GABRB1: variants seen among roughly 807,000 people sequenced by gnomAD.
The protein encoded by GABRB1 is gamma-aminobutyric acid receptor subunit beta-1.
Under a neutral mutation model 51.6 loss-of-function variants are expected in GABRB1, and 17 were observed. That is an observed-to-expected ratio of 0.33 (90% CI 0.23 to 0.49). The LOEUF (loss-of-function observed/expected upper bound fraction) is 0.49. Among genes scored for constraint, GABRB1 ranks in the 20% least tolerant of loss-of-function variants. The pLI is 0.99. For missense variants in GABRB1, 410 were observed against 600.6 expected (o/e 0.68, Z 3.32); for synonymous variants, 247 against 218.9 (o/e 1.13, Z -1.14).
intron 3 of GABRB1, among the ~76,000 whole-genome samples, chr4:47,125,652 T>C (rs1716097422): frequency 7.4e-6 from 1 of 135,030 alleles, no homozygotes; most frequent in Non-Finnish European, 1.6e-5. Context: ...GCCTCCTGGG[T>C]TCACGCCATT....
At chr4:47,328,699 T>C (rs2109972174) in intron 5 of GABRB1, among the ~76,000 whole-genome samples, 1 of 151,498 alleles carries the variant, frequency 6.6e-6, no homozygotes, top group South Asian at 2.1e-4. Flanking sequence ...TTCTCACTCA[T>C]AGGTGGGAAT....
At chr4:47,381,059 G>C (rs1365058217) in intron 5 of GABRB1, among the ~76,000 whole-genome samples, 2 of 152,060 alleles carry the variant, frequency 1.3e-5, no homozygotes, top group Admixed American at 6.5e-5. Flanking sequence ...AGGGGTAATT[G>C]CCACCAGGAG....
At chr4:47,030,467 C>A (rs1464948981), upstream of GABRB1, among the ~76,000 whole-genome samples, 3 of 152,148 alleles carry the variant, frequency 2.0e-5, no homozygotes, top group Non-Finnish European at 4.4e-5. Flanking sequence ...GTAGGGATTA[C>A]AATTCGCTTT....
At chr4:47,272,823 T>C (rs1397873924) in intron 4 of GABRB1, among the ~76,000 whole-genome samples, 1 of 152,190 alleles carries the variant, frequency 6.6e-6, no homozygotes, top group Non-Finnish European at 1.5e-5. Flanking sequence ...AATAGTGCTA[T>C]AATGAATATC....
chr4:47,161,741 T>A (rs748219273), intron 4 of GABRB1, among the ~76,000 whole-genome samples: 3 of 152,062 alleles, frequency 2.0e-5, no homozygotes, highest in Non-Finnish European at 4.4e-5. Context: ...TGGCTCTTTA[T>A]TCTTTGGTGT....
At chr4:47,012,554 A>C (rs1396190920) in intron 1 of GABRB1, among the ~76,000 whole-genome samples, 1 of 152,236 alleles carries the variant, frequency 6.6e-6, no homozygotes, top group Non-Finnish European at 1.5e-5. Flanking sequence ...GAGATTACCT[A>C]TGTTTAAACA....
chr4:46,996,387 TTACTTTGGATATAATAAGATGCAAATAA>T (rs984985605), intron 1 of GABRB1, among the ~76,000 whole-genome samples: 1 of 152,166 alleles, frequency 6.6e-6, no homozygotes, highest in African/African-American at 2.4e-5. Flanking sequence ...ACAAATGAGT[TTACTTTGGATATAATAAGATGCAAATAA>T]TACAGATAAC....
At chr4:47,150,182 AACACACACACACAC>A (rs36209473) in intron 3 of GABRB1, among the ~76,000 whole-genome samples, 34 of 141,588 alleles carry the variant, frequency 2.4e-4, no homozygotes, top group Admixed American at 6.3e-4. Context: ...ACACACACAC[AACACACACACACAC>A]ACACACACAC....
chr4:47,004,689 A>C (rs1434283332), intron 1 of GABRB1, among the ~76,000 whole-genome samples: 1 of 152,114 alleles, frequency 6.6e-6, no homozygotes, highest in African/African-American at 2.4e-5. Flanking sequence ...GATTTAAAAA[A>C]CAAACAGACA....
chr4:47,056,038 A>AT (rs917172151), intron 3 of GABRB1, among the ~76,000 whole-genome samples: 3 of 152,206 alleles, frequency 2.0e-5, no homozygotes, highest in Non-Finnish European at 4.4e-5. Context: ...AGTATCTTCT[A>AT]TGGAAATGGT....
chr4:47,365,551 C>T (rs1006547887), intron 5 of GABRB1, among the ~76,000 whole-genome samples: 1 of 152,130 alleles, frequency 6.6e-6, no homozygotes, highest in Non-Finnish European at 1.5e-5. Context: ...CCGCTATACC[C>T]CTTCTCTTGC....
intron 5 of GABRB1, among the ~76,000 whole-genome samples, chr4:47,375,163 A>T (rs1015886316): frequency 5.9e-5 from 9 of 152,224 alleles, no homozygotes; most frequent in African/African-American, 2.2e-4. Context: ...CAGAGAACAA[A>T]GTTTAAAAAT....
intron 7 of GABRB1, among the ~76,000 whole-genome samples, chr4:47,405,886 T>C (rs1220994986): frequency 6.6e-6 from 1 of 152,194 alleles, no homozygotes; most frequent in Non-Finnish European, 1.5e-5. Context: ...TTAAGAATGC[T>C]ATATATAACA....
intron 4 of GABRB1, among the ~76,000 whole-genome samples, chr4:47,249,469 A>G (rs1326168035): frequency 6.6e-6 from 1 of 152,150 alleles, no homozygotes; most frequent in Non-Finnish European, 1.5e-5. Context: ...ACTGTTGAAC[A>G]GAATGTGTAT....
intron 4 of GABRB1, among the ~76,000 whole-genome samples, chr4:47,199,880 T>C (rs1356154480): frequency 6.6e-6 from 1 of 152,124 alleles, no homozygotes; most frequent in Non-Finnish European, 1.5e-5. Context: ...TCAGTCAATA[T>C]AATCAAGCCC....
At chr4:47,231,358 C>T (rs775244422) in intron 4 of GABRB1, among the ~76,000 whole-genome samples, 14 of 152,108 alleles carry the variant, frequency 9.2e-5, no homozygotes, top group African/African-American at 3.1e-4. Context: ...TTCTTTGAGC[C>T]TTTATTCTTT....
intron 7 of GABRB1, among the ~76,000 whole-genome samples, chr4:47,405,309 G>T (rs984787483): frequency 1.3e-5 from 2 of 152,052 alleles, no homozygotes; most frequent in South Asian, 2.1e-4. Context: ...AGTCAAATCC[G>T]GGAATATACA....
At chr4:47,219,834 A>T (rs914272604) in intron 4 of GABRB1, among the ~76,000 whole-genome samples, 1 of 151,832 alleles carries the variant, frequency 6.6e-6, no homozygotes, top group Non-Finnish European at 1.5e-5. Flanking sequence ...ATCCTACTGA[A>T]TCTACTTCTC....
intron 1 of GABRB1, among the ~76,000 whole-genome samples, chr4:47,025,331 A>G (rs936667242): frequency 2.6e-5 from 4 of 151,886 alleles, no homozygotes; most frequent in Admixed American, 2.0e-4. Flanking sequence ...ACTGTTTTCC[A>G]TAGTGGTTGT....
Sources: gnomAD v4.1 joint callset for allele counts (sites outside exome capture counted in the v4.1 genomes callset) on GRCh38, gnomAD v4.1.1 for gene constraint, MANE v1.5 for transcripts, NCBI Gene and HGNC (gene_info 2026-07-23, HGNC 2026-07-21) for gene names.